The following RBBP8 variants were observed in gnomAD, a reference collection of about 807,000 sequenced individuals.
RBBP8 encodes RB binding protein 8, endonuclease.
RBBP8 carries 88 observed loss-of-function variants against 108.3 expected under a neutral mutation model. That is an observed-to-expected ratio of 0.81 (90% CI 0.68 to 0.97). The LOEUF (loss-of-function observed/expected upper bound fraction) is 0.97, where lower values mean the gene tolerates loss of function less well. RBBP8 is among the 50% of genes least tolerant of loss of function. The probability of loss-of-function intolerance (pLI) is 0.00; values close to 1 mark genes in which losing one functional copy is unlikely to be tolerated. For missense variants in RBBP8, 1,023 were observed against 1,049.0 expected, an observed-to-expected ratio of 0.98 and a Z score of 0.34; for synonymous variants, 332 against 348.2, an observed-to-expected ratio of 0.95 and a Z score of 0.52.
chr18:22,949,551 G>A (rs1598650896), intron 3 of RBBP8, 67 bp from the exon 4 acceptor site: 2 of 1,129,840 alleles, frequency 1.8e-6, no homozygotes, highest in East Asian at 2.4e-5. Context: ...AAACACGGTG[G>A]AGCTCTTAGA....
chr18:22,991,495 C>A (rs1347392720), intron 10 of RBBP8, among the ~76,000 whole-genome samples: 1 of 152,114 alleles, frequency 6.6e-6, no homozygotes, highest in African/African-American at 2.4e-5. Flanking sequence ...AGTTATAGGA[C>A]CCCCTCCCCC....
At chr18:22,946,536 C>T (rs1272193385) in intron 3 of RBBP8, 50 bp downstream of exon 3, 1 of 1,605,230 alleles carries the variant, frequency 6.2e-7, no homozygotes, top group Non-Finnish European at 8.5e-7. Context: ...GTAGTTGATA[C>T]TGATGTCCAA....
chr18:23,006,058 C>T (rs2046039366), intron 15 of RBBP8, among the ~76,000 whole-genome samples: 2 of 151,898 alleles, frequency 1.3e-5, no homozygotes, highest in East Asian at 2.0e-4. Context: ...TGGTGGTGGG[C>T]GCCTGTAGTC....
At position 22,970,554 on chromosome 18, in the gene RBBP8, A is replaced by T. The variant is rs905889968; in HGVS notation, c.361+1636A>T. 2.0e-5 allele frequency among the ~76,000 whole-genome samples: 3 copies of T among 152,160 alleles called. No homozygotes were observed. In the East Asian group the frequency reaches 5.8e-4, roughly 29 times the overall value. On this transcript the variant is annotated intron_variant, in intron 5 of 18. Coordinates refer to ENST00000327155, the MANE Select transcript of RBBP8 (RefSeq NM_002894.3). Reference sequence around the variant, plus strand: ...ATTTTTATTTTCTTACATCCTCTTCAGATTTGGGCAAAAATGTATTAATAA... The same window carrying T: ...ATTTTTATTTTCTTACATCCTCTTCTGATTTGGGCAAAAATGTATTAATAA...
At chr18:22,971,438 T>A (rs970174940) in intron 5 of RBBP8, among the ~76,000 whole-genome samples, 1 of 152,154 alleles carries the variant, frequency 6.6e-6, no homozygotes, top group Non-Finnish European at 1.5e-5. Context: ...AGAATAGCAG[T>A]TGATACATAA....
chr18:23,003,004 T>C (rs1453119191), intron 15 of RBBP8, among the ~76,000 whole-genome samples: 1 of 152,196 alleles, frequency 6.6e-6, no homozygotes, highest in East Asian at 1.9e-4. Context: ...TGTTCCTTCT[T>C]TTAAGTTACA....
At chr18:22,960,047 A>G (rs1170936428) in intron 4 of RBBP8, among the ~76,000 whole-genome samples, 1 of 150,982 alleles carries the variant, frequency 6.6e-6, no homozygotes, top group African/African-American at 2.4e-5. Flanking sequence ...ACCCGCCACC[A>G]CGCCCAACTA....
intron 3 of RBBP8, 57 bp downstream of exon 3, chr18:22,946,543 C>A: frequency 6.2e-7 from 1 of 1,602,364 alleles, no homozygotes; most frequent in South Asian, 1.1e-5. Context: ...ATACTGATGT[C>A]CAATTTGACA....
rs1409601894 is a variant in RBBP8, at chr18:22,967,951, A to AT, written c.249-847dup. ...CGTGAGCCACTGTGCCCAGCCTGTA[A>AT]TTTTTTTTATGTAATACATTGTGAA... On this transcript the variant is annotated intron_variant, in intron 4 of 18. Coordinates refer to ENST00000327155, the MANE Select transcript of RBBP8 (RefSeq NM_002894.3). Among the ~76,000 whole-genome samples, 5 of 151,692 alleles carry AT rather than the reference A, an allele frequency of 3.3e-5. No homozygotes were observed. The East Asian group carries it at 9.7e-4, about 29-fold the overall frequency.
intron 6 of RBBP8, chr18:22,977,880 T>C (rs1914602042): frequency 6.6e-6 from 1 of 152,184 alleles, no homozygotes; most frequent in African/African-American, 2.4e-5. Flanking sequence ...AGTCTTGTTT[T>C]CTCTAGAGTA....
At chr18:23,024,425 C>A (rs935718107) in intron 18 of RBBP8, among the ~76,000 whole-genome samples, 7 of 152,050 alleles carry the variant, frequency 4.6e-5, no homozygotes, top group Non-Finnish European at 1.5e-5. Context: ...TTATTACATA[C>A]CAAGTGTACT....
At position 22,984,946 on chromosome 18, in the gene RBBP8, T is replaced by C. The variant is rs1567977964; in HGVS notation, c.665T>C (p.Ile222Thr). ...HPQHNPNENE[I>T]LVADTYDQSQ... ...CAACATAATCCTAATGAAAATGAAA[T>C]TCTAGTAGCTGACACTTATGACCAA... Residue 222 changes from isoleucine to threonine, a missense_variant, in exon 8 of 19, where the codon ATT becomes ACT. Ile to Thr is a moderately conservative substitution (Grantham distance 89). Coordinates refer to ENST00000327155, the MANE Select transcript of RBBP8 (RefSeq NM_002894.3). 2 of 1,611,888 alleles carry C rather than the reference T, an allele frequency of 1.2e-6. No individual in the cohort carries two copies. Among genetic ancestry groups the C allele is most frequent in the Admixed American group, 1.7e-5 (1 of 59,970 alleles).
chr18:22,996,178 C>G (rs2045853945), intron 12 of RBBP8, among the ~76,000 whole-genome samples, 196 bp from the exon 13 acceptor site: 1 of 152,126 alleles, frequency 6.6e-6, no homozygotes. Flanking sequence ...TATTTAGATC[C>G]TTTGCCCATC....
chr18:23,023,688 A>C lies in RBBP8; in HGVS notation c.2596+1418A>C, dbSNP rs543974036. Among the ~76,000 whole-genome samples, 15 of 152,278 alleles carry C rather than the reference A, an allele frequency of 9.9e-5. No homozygotes were observed. In the South Asian group the frequency reaches 1.2e-3, roughly 13 times the overall value. On this transcript the variant is annotated intron_variant, in intron 18 of 18. Coordinates refer to ENST00000327155, the MANE Select transcript of RBBP8 (RefSeq NM_002894.3). ...CACTATTCCAGGCATATAGTAATTC[A>C]TAGTCACTAAGGTCTAAACTTTATT...
intron 16 of RBBP8, among the ~76,000 whole-genome samples, chr18:23,012,526 G>A (rs73966426): frequency 1.1e-3 from 162 of 151,998 alleles, no homozygotes; most frequent in African/African-American, 3.6e-3. Context: ...ACCAGCCACC[G>A]CATTCCTTTA....
rs1167377654 is a variant in RBBP8 at position 22,980,965 on chromosome 18, C to CTTTTTTTTTTTTT, written c.429-1240_429-1228dup. Among the ~76,000 whole-genome samples the CTTTTTTTTTTTTT allele has an allele frequency of 5.9e-3, 410 of 69,500 alleles. 91 individuals are homozygous for CTTTTTTTTTTTTT. The highest frequency in any genetic ancestry group is 8.2e-3 in the East Asian group (13 of 1,594). The allele number at this position is 69,500 out of a possible 152,430, so 45.6% of individuals were successfully genotyped here. ...AATTGTAGGTGTGAGCCACTTATGT[C>CTTTTTTTTTTTTT]TTTTTTTTTTTTTTTTTTTTTTTTT... On this transcript the variant is annotated intron_variant, in intron 6 of 18. Transcript: ENST00000327155.
chr18:23,001,475 G>C, intron 14 of RBBP8, 111 bp from the exon 15 acceptor site: 1 of 1,226,878 alleles, frequency 8.2e-7, no homozygotes, highest in Non-Finnish European at 1.2e-6. Context: ...TTTAAGAAGT[G>C]TCTTTAAGGA....
In RBBP8 at chr18:22,996,356, T is replaced by C; in HGVS notation, c.1940-18T>C. 6.2e-7 allele frequency: 1 copy of C among 1,612,996 alleles called. No homozygotes were observed. Among genetic ancestry groups the C allele is most frequent in the African/African-American group, 1.3e-5 (1 of 75,052 alleles). The stretch of plus-strand genomic sequence containing the variant: ...TGAAATCAGTTTTTTAATTGCATGC[T>C]CTTTCCCTTTACCTAAGATGTATCC... On this transcript the variant is annotated intron_variant, in intron 12 of 18. Transcript: ENST00000327155.
intron 4 of RBBP8, among the ~76,000 whole-genome samples, chr18:22,955,342 A>T (rs1049229862): frequency 1.3e-5 from 2 of 152,190 alleles, no homozygotes; most frequent in African/African-American, 4.8e-5. Flanking sequence ...GGGCACACTT[A>T]AAGATTTATC....
Sources: allele counts gnomAD v4.1 joint callset (sites outside exome capture counted in the v4.1 genomes callset), GRCh38; gene constraint gnomAD v4.1.1; transcripts MANE v1.5; gene names NCBI Gene and HGNC (gene_info 2026-07-23, HGNC 2026-07-21).